BIN3: variants seen among roughly 807,000 people sequenced by gnomAD.
BIN3 encodes the protein bridging integrator 3.
In BIN3, 41 loss-of-function variants were observed where a neutral mutation model predicts 38.2. The ratio of observed to expected loss-of-function variants is 1.07; its 90% CI spans 0.84 to 1.39. The LOEUF is 1.39. BIN3 is among the 40% of genes most tolerant of loss of function. The pLI is 0.00. For synonymous variants in BIN3, 145 were observed against 122.6 expected (o/e 1.18, Z -1.21); for missense variants, 361 against 324.3 (o/e 1.11, Z -0.87).
At chr8:22,637,497 G>T (rs994519105) in intron 2 of BIN3, among the ~76,000 whole-genome samples, 1 of 152,208 alleles carries the variant, frequency 6.6e-6, no homozygotes, top group South Asian at 2.1e-4. Context: ...TGATTGGGAT[G>T]CATCAAACAC....
At chr8:22,645,012 C>G (rs1487052386) in intron 1 of BIN3, 1 of 516,670 alleles carries the variant, frequency 1.9e-6, no homozygotes, top group Non-Finnish European at 3.6e-6. Context: ...CCTACAGTGT[C>G]AGATGCAGGT....
In BIN3 at chr8:22,624,617, T is replaced by C. The variant is rs560945542; in HGVS notation, c.339-254A>G. 3 of 471,040 alleles carry C rather than the reference T, an allele frequency of 6.4e-6. No individual in the cohort carries two copies. The East Asian group carries it at 1.1e-4, about 18-fold the overall frequency. 29.2% of individuals were successfully genotyped at this position (471,040 alleles called of 1,614,324 possible). On this transcript the variant is annotated intron_variant, in intron 6 of 8. Transcript: ENST00000276416. Reference sequence around the variant, plus strand: ...CTGGAGCTTGTGCGAACGTGGACAATGTCATGGGGTGAGGGCAGATGAGAG... The same window carrying C: ...CTGGAGCTTGTGCGAACGTGGACAACGTCATGGGGTGAGGGCAGATGAGAG...
At chr8:22,644,286 G>C (rs1802649679) in intron 2 of BIN3, among the ~76,000 whole-genome samples, 1 of 152,226 alleles carries the variant, frequency 6.6e-6, no homozygotes, top group South Asian at 2.1e-4. Context: ...AGTGACTCTG[G>C]GTCATGGCCA....
intron 1 of BIN3, among the ~76,000 whole-genome samples, chr8:22,647,962 T>C (rs1802764044): frequency 7.1e-6 from 1 of 140,648 alleles, no homozygotes; most frequent in Admixed American, 7.3e-5. Flanking sequence ...CCGTCTCTAC[T>C]ATAAAAAATA....
intron 6 of BIN3, chr8:22,624,600 T>G (rs977590108): frequency 1.9e-6 from 1 of 516,090 alleles, no homozygotes; most frequent in Non-Finnish European, 3.4e-6. Flanking sequence ...CCCTGGAGCT[T>G]GTGCGAACGT....
At chr8:22,648,894 CGTAT>C (rs56065322) in intron 1 of BIN3, among the ~76,000 whole-genome samples, 2,402 of 147,950 alleles carry the variant, frequency 0.016, 23 homozygotes, top group African/African-American at 0.025. Flanking sequence ...TCCACATCAA[CGTAT>C]GTATGTATGT....
intron 1 of BIN3, among the ~76,000 whole-genome samples, chr8:22,648,892 A>AACGTATGT (rs1476745273): frequency 9.2e-6 from 1 of 108,286 alleles, no homozygotes; most frequent in South Asian, 3.4e-4. Flanking sequence ...TATCCACATC[A>AACGTATGT]ACGTATGTAT....
intron 2 of BIN3, 117 bp downstream of exon 2, chr8:22,644,638 A>G (rs1228680457): frequency 2.1e-6 from 2 of 953,718 alleles, no homozygotes; most frequent in East Asian, 2.7e-5. Flanking sequence ...AAGCAGGAAG[A>G]AGGCCCAGGT....
At chr8:22,645,381 C>G (rs1031532873) in intron 1 of BIN3, among the ~76,000 whole-genome samples, 1 of 151,990 alleles carries the variant, frequency 6.6e-6, no homozygotes, top group Admixed American at 6.6e-5. Flanking sequence ...ACTTGAGAGG[C>G]TGAAGCAGGA....
chr8:22,667,919 T>C (rs542831434), intron 1 of BIN3, among the ~76,000 whole-genome samples: 1 of 152,338 alleles, frequency 6.6e-6, no homozygotes, highest in South Asian at 2.1e-4. Flanking sequence ...AAAATTAAGC[T>C]TCAAAAGCCT....
chr8:22,635,545 G>A (rs536419315), intron 4 of BIN3, among the ~76,000 whole-genome samples: 8 of 152,250 alleles, frequency 5.3e-5, no homozygotes, highest in South Asian at 2.1e-4. Flanking sequence ...CGACCATGAC[G>A]ACGGTGATGA....
chr8:22,659,345 C>T (rs1350733178), intron 1 of BIN3, among the ~76,000 whole-genome samples: 3 of 152,298 alleles, frequency 2.0e-5, no homozygotes, highest in South Asian at 2.1e-4. Flanking sequence ...GACCCCGACC[C>T]GCCAACAGTC....
intron 6 of BIN3, 112 bp from the exon 7 acceptor site, chr8:22,624,475 G>A (rs1399664213): frequency 2.1e-6 from 3 of 1,416,126 alleles, no homozygotes; most frequent in Non-Finnish European, 2.9e-6. Flanking sequence ...CTCTTGGAGG[G>A]GCGTCCTGGC....
intron 8 of BIN3, among the ~76,000 whole-genome samples, chr8:22,623,294 G>A (rs1409734041): frequency 1.3e-5 from 2 of 152,154 alleles, no homozygotes; most frequent in Admixed American, 6.5e-5. Context: ...ATGCCACTCC[G>A]TGTCCTCCCG....
intron 2 of BIN3, among the ~76,000 whole-genome samples, chr8:22,638,051 G>C (rs1381218527): frequency 6.8e-6 from 1 of 146,648 alleles, no homozygotes; most frequent in Non-Finnish European, 1.5e-5. Context: ...TCTCCTGGAA[G>C]GCATTTGCTG....
chr8:22,641,531 C>G (rs1428265825), intron 2 of BIN3, among the ~76,000 whole-genome samples: 1 of 152,196 alleles, frequency 6.6e-6, no homozygotes. Flanking sequence ...TGATCGGAGT[C>G]TGAGAAGCCC....
chr8:22,651,039 C>T (rs1802874309), intron 1 of BIN3, among the ~76,000 whole-genome samples: 1 of 152,188 alleles, frequency 6.6e-6, no homozygotes, highest in African/African-American at 2.4e-5. Context: ...TACTGAGTCA[C>T]AAACTCGTAA....
intron 6 of BIN3, chr8:22,624,603 G>A (rs539188363): frequency 5.8e-5 from 30 of 517,212 alleles, no homozygotes; most frequent in Admixed American, 1.4e-4. Context: ...TGGAGCTTGT[G>A]CGAACGTGGA....
rs549483075 is a variant in BIN3 at position 22,631,254 on chromosome 8, TC to T, written c.161-677del. On this transcript the variant is annotated intron_variant, in intron 4 of 8. Transcript: ENST00000276416. ...AAGAGATACGCTGGAAAATGTGTTT[TC>T]CCCCAAGACTCGCCCAGACACACAC... Among the ~76,000 whole-genome samples the T allele has an allele frequency of 3.3e-5, 5 of 152,242 alleles. No homozygotes were observed. In the South Asian group the frequency reaches 8.3e-4, roughly 25 times the overall value.
Sources: gnomAD v4.1 joint callset for allele counts (sites outside exome capture counted in the v4.1 genomes callset) on GRCh38, gnomAD v4.1.1 for gene constraint, MANE v1.5 for transcripts, NCBI Gene and HGNC (gene_info 2026-07-23, HGNC 2026-07-21) for gene names.